Variants in TENM2 observed in about 807,000 individuals in gnomAD.
The protein encoded by TENM2 is teneurin transmembrane protein 2, also known as teneurin-2.
TENM2 carries 52 observed loss-of-function variants against 245.2 expected under a neutral mutation model. That is an observed-to-expected ratio of 0.21 (90% confidence interval 0.17 to 0.27). The LOEUF is 0.27. Among genes scored for constraint, TENM2 ranks in the 10% least tolerant of loss-of-function variants. The probability of loss-of-function intolerance (pLI) is 1.00; values close to 1 mark genes in which losing one functional copy is unlikely to be tolerated. For synonymous variants in TENM2, 1,363 were observed against 1,438.9 expected (o/e 0.95, Z 1.19); for missense variants, 3,046 against 3,666.8 (o/e 0.83, Z 4.37).
chr5:167,113,042 G>A, the TENM2 span, among the ~76,000 whole-genome samples: 1 of 152,166 alleles, frequency 6.6e-6, no homozygotes, highest in Non-Finnish European at 1.5e-5. Context: ...AAGGGAGTTG[G>A]AACCAGCATT....
intron 2 of TENM2, among the ~76,000 whole-genome samples, chr5:167,761,790 G>A (rs1462652645): frequency 3.3e-5 from 5 of 152,170 alleles, no homozygotes; most frequent in African/African-American, 1.2e-4. Context: ...CTGAGCAGCT[G>A]TACAGAGCTC....
At chr5:167,372,743 A>G (rs925480475) in intron 1 of TENM2, among the ~76,000 whole-genome samples, 5 of 152,240 alleles carry the variant, frequency 3.3e-5, no homozygotes, top group Admixed American at 2.6e-4. Context: ...CTCTCTAAGG[A>G]CAAGATGGAA....
At chr5:167,325,984 T>A (rs1433656842) in intron 1 of TENM2, among the ~76,000 whole-genome samples, 1 of 152,178 alleles carries the variant, frequency 6.6e-6, no homozygotes, top group Non-Finnish European at 1.5e-5. Flanking sequence ...ACCCTTTACA[T>A]GGACCTGTCT....
At chr5:167,762,406 A>C (rs1762739923) in intron 2 of TENM2, among the ~76,000 whole-genome samples, 2 of 152,230 alleles carry the variant, frequency 1.3e-5, no homozygotes, top group Admixed American at 1.3e-4. Flanking sequence ...AAAAGAACAC[A>C]TAATATTTGT....
chr5:167,791,782 ACATCTAG>A (rs1764992477), intron 2 of TENM2, among the ~76,000 whole-genome samples: 1 of 151,988 alleles, frequency 6.6e-6, no homozygotes, highest in African/African-American at 2.4e-5. Context: ...AAAACAAAAC[ACATCTAG>A]ATTTCCAATT....
At chr5:167,242,039 G>GTTTTTTTTTTT in the TENM2 span, among the ~76,000 whole-genome samples, 1 of 140,190 alleles carries the variant, frequency 7.1e-6, no homozygotes, top group Non-Finnish European at 1.6e-5. Context: ...TTCTTTTTTT[G>GTTTTTTTTTTT]TTTTTTGTTT....
chr5:168,223,797 A>C (rs544366636), intron 23 of TENM2, among the ~76,000 whole-genome samples: 1 of 152,240 alleles, frequency 6.6e-6, no homozygotes, highest in East Asian at 1.9e-4. Context: ...AATTATGGGA[A>C]AATGCAAAGA....
intron 2 of TENM2, among the ~76,000 whole-genome samples, chr5:167,867,492 T>C (rs906772532): frequency 6.6e-5 from 10 of 152,202 alleles, no homozygotes; most frequent in Non-Finnish European, 1.2e-4. Flanking sequence ...CAATAAATTA[T>C]GCATAAGAGC....
intron 2 of TENM2, among the ~76,000 whole-genome samples, chr5:167,799,217 G>A (rs1162466781): frequency 6.6e-6 from 1 of 152,206 alleles, no homozygotes; most frequent in Non-Finnish European, 1.5e-5. Flanking sequence ...CTTCCTCTGG[G>A]TATGTAAATG....
chr5:167,365,274 G>T (rs1345489179), intron 1 of TENM2, among the ~76,000 whole-genome samples: 3 of 151,768 alleles, frequency 2.0e-5, no homozygotes, highest in Non-Finnish European at 4.4e-5. Context: ...AATTTTGGGG[G>T]TACAGATAAA....
intron 2 of TENM2, among the ~76,000 whole-genome samples, chr5:167,847,291 A>G (rs1770137621): frequency 6.6e-6 from 1 of 152,138 alleles, no homozygotes; most frequent in African/African-American, 2.4e-5. Flanking sequence ...CTTTTCTAAC[A>G]TCCTCTCTAA....
intron 2 of TENM2, among the ~76,000 whole-genome samples, chr5:167,734,973 G>T (rs923581976): frequency 5.9e-5 from 9 of 152,128 alleles, no homozygotes; most frequent in Non-Finnish European, 1.3e-4. Context: ...GTCAAACAGG[G>T]TCTCCAAATA....
chr5:167,483,204 G>A (rs1308996201), intron 2 of TENM2, among the ~76,000 whole-genome samples: 2 of 152,112 alleles, frequency 1.3e-5, no homozygotes, highest in African/African-American at 2.4e-5. Context: ...AGAGTTAGCC[G>A]GCCAATTTCC....
the TENM2 span, among the ~76,000 whole-genome samples, chr5:167,134,039 G>A: frequency 6.6e-6 from 1 of 152,132 alleles, no homozygotes; most frequent in African/African-American, 2.4e-5. Flanking sequence ...CAGAAATGTA[G>A]TTGGCAAAAC....
At chr5:168,054,083 T>C (rs750681536) in intron 6 of TENM2, among the ~76,000 whole-genome samples, 2 of 152,222 alleles carry the variant, frequency 1.3e-5, no homozygotes, top group Non-Finnish European at 2.9e-5. Flanking sequence ...GTATAAATAC[T>C]TGTTAACGTT....
chr5:167,787,739 G>A (rs993051424), intron 2 of TENM2, among the ~76,000 whole-genome samples: 2 of 152,204 alleles, frequency 1.3e-5, no homozygotes, highest in African/African-American at 4.8e-5. Flanking sequence ...GGAATCAGGT[G>A]TTCACCTGTG....
At chr5:168,040,516 T>A (rs1788094280) in intron 5 of TENM2, among the ~76,000 whole-genome samples, 1 of 152,196 alleles carries the variant, frequency 6.6e-6, no homozygotes, top group Non-Finnish European at 1.5e-5. Context: ...CATGCAGTGC[T>A]TTGAAAATTC....
intron 2 of TENM2, among the ~76,000 whole-genome samples, chr5:167,488,473 A>G (rs1010367880): frequency 3.3e-5 from 5 of 152,096 alleles, no homozygotes; most frequent in African/African-American, 1.2e-4. Flanking sequence ...GACCCAGCCA[A>G]TCACTCCCTC....
At chr5:167,431,940 C>CATATATATGT (rs1457128687) in intron 2 of TENM2, among the ~76,000 whole-genome samples, 4 of 65,856 alleles carry the variant, frequency 6.1e-5, no homozygotes, top group Non-Finnish European at 1.3e-4. Flanking sequence ...TATATATATA[C>CATATATATGT]ATATATATGT....
Sources: gnomAD v4.1 joint callset for allele counts (sites outside exome capture counted in the v4.1 genomes callset) on GRCh38, gnomAD v4.1.1 for gene constraint, MANE v1.5 for transcripts, NCBI Gene and HGNC (gene_info 2026-07-23, HGNC 2026-07-21) for gene names.